TGM5: variants seen among roughly 807,000 people sequenced by gnomAD.
TGM5 encodes the protein transglutaminase 5.
TGM5 carries 69 observed loss-of-function variants against 77.2 expected under a neutral mutation model. The ratio of observed to expected loss-of-function variants is 0.89; its 90% CI spans 0.74 to 1.09. TGM5 has a LOEUF of 1.09. Among genes scored for constraint, TGM5 ranks in the 50% least tolerant of loss-of-function variants. The probability of loss-of-function intolerance (pLI) is 0.00; values close to 1 mark genes in which losing one functional copy is unlikely to be tolerated. For synonymous variants in TGM5, 346 were observed against 351.8 expected (o/e 0.98, Z 0.18); for missense variants, 842 against 896.5 (o/e 0.94, Z 0.78).
At chr15:43,266,053 C>T (rs1385508248) in intron 1 of TGM5, among the ~76,000 whole-genome samples, 1 of 152,176 alleles carries the variant, frequency 6.6e-6, no homozygotes, top group African/African-American at 2.4e-5. Flanking sequence ...AGACAGGTAA[C>T]AGTGTTTACT....
Position 43,234,833 on chromosome 15 carries a change from C to A in TGM5, c.1811G>T (p.Ser604Ile), listed in dbSNP as rs1276732858. ...GTTCACCAGGATTTTCTCAGGACTGCTTTTCTCTTCACCCAGGGCACTGAT... is the reference window on the plus strand; with the variant it reads ...GTTCACCAGGATTTTCTCAGGACTGATTTTCTCTTCACCCAGGGCACTGAT... ...IRISALGEEK[S>I]SPEKILVNKI... Residue 604 changes from serine (S) to isoleucine (I), a missense_variant, in exon 11 of 13, where the codon AGC (serine) becomes ATC (isoleucine). Ser to Ile is a moderately radical substitution (Grantham distance 142). Transcript: ENST00000220420. 6.2e-7 allele frequency: 1 copy of A among 1,614,216 alleles called. No homozygotes were observed. Among genetic ancestry groups the A allele is most frequent in the Non-Finnish European group, 8.5e-7 (1 of 1,180,034 alleles).
rs574582361 is a variant in TGM5, at chr15:43,264,654, C to G, written c.10+2186G>C. On this transcript the variant is annotated intron_variant, in intron 1 of 12. Coordinates refer to ENST00000220420, the MANE Select transcript of TGM5 (RefSeq NM_201631.4). ...GTGACTGCCAATGTGTATGGGATTT[C>G]TTTTTGAGGTAATGAAATGTTCTGA... Among the ~76,000 whole-genome samples, 59 of 152,166 alleles carry G rather than the reference C, an allele frequency of 3.9e-4. No homozygotes were observed. In the South Asian group the frequency reaches 0.011, roughly 29 times the overall value.
At chr15:43,246,015 C>T (rs2042668085) in intron 6 of TGM5, among the ~76,000 whole-genome samples, 1 of 151,980 alleles carries the variant, frequency 6.6e-6, no homozygotes, top group Non-Finnish European at 1.5e-5. Flanking sequence ...ACAAAAATTT[C>T]AGCTGCTTGT....
intron 1 of TGM5, among the ~76,000 whole-genome samples, chr15:43,262,033 G>A (rs1201287604): frequency 6.6e-6 from 1 of 152,074 alleles, no homozygotes; most frequent in Non-Finnish European, 1.5e-5. Flanking sequence ...CATTGACCCT[G>A]TCCTCTAGCC....
chr15:43,236,407 C>T (rs749303255), intron 9 of TGM5, among the ~76,000 whole-genome samples: 9 of 152,172 alleles, frequency 5.9e-5, no homozygotes, highest in Admixed American at 1.3e-4. Flanking sequence ...GAGGTCTAGG[C>T]GTGCAGAGTT....
intron 3 of TGM5, among the ~76,000 whole-genome samples, chr15:43,259,603 A>T (rs1288159486): frequency 6.6e-6 from 1 of 152,224 alleles, no homozygotes; most frequent in Non-Finnish European, 1.5e-5. Flanking sequence ...AGGTGAATGG[A>T]ATCTGAAAGA....
chr15:43,253,787 G>A (rs1035612307), intron 4 of TGM5, 153 bp from the exon 5 acceptor site: 3 of 1,074,664 alleles, frequency 2.8e-6, no homozygotes, highest in East Asian at 2.4e-5. Flanking sequence ...TCCCATTCAG[G>A]TGTGGGGTTT....
chr15:43,257,670 C>T (rs771455343), intron 3 of TGM5, among the ~76,000 whole-genome samples: 8 of 152,084 alleles, frequency 5.3e-5, no homozygotes, highest in African/African-American at 1.2e-4. Context: ...GACAGTGTGG[C>T]GATTCCTCAA....
intron 6 of TGM5, among the ~76,000 whole-genome samples, chr15:43,247,165 A>T (rs1018814861): frequency 6.6e-6 from 1 of 151,788 alleles, no homozygotes; most frequent in Non-Finnish European, 1.5e-5. Context: ...TCTCAAAAAA[A>T]AAAAAAAAAA....
chr15:43,241,792 C>T (rs2042638674), intron 6 of TGM5, among the ~76,000 whole-genome samples: 1 of 151,620 alleles, frequency 6.6e-6, no homozygotes, highest in African/African-American at 2.4e-5. Context: ...CAACACCACA[C>T]CCGGCTAATT....
In TGM5 at chr15:43,233,113, G is replaced by C. The variant is rs2042558231; in HGVS notation, c.*78C>G. On this transcript the variant is annotated 3_prime_UTR_variant, in exon 13 of 13. Coordinates refer to ENST00000220420, the MANE Select transcript of TGM5 (RefSeq NM_201631.4). ...CCTGTGAAGCCTCTGTTGTGGTGGG[G>C]AATGGCGCAGCTTGCATTTGAACTT... 6.4e-7 allele frequency: 1 copy of C among 1,567,814 alleles called. No individual in the cohort carries two copies.
intron 1 of TGM5, among the ~76,000 whole-genome samples, chr15:43,263,956 T>C (rs2042808052): frequency 1.3e-5 from 2 of 152,232 alleles, no homozygotes; most frequent in East Asian, 1.9e-4. Flanking sequence ...AAAAAATTCA[T>C]ATAACTCTAC....
intron 7 of TGM5, chr15:43,239,773 T>C (rs141773381): frequency 5.3e-6 from 1 of 188,558 alleles, no homozygotes; most frequent in Non-Finnish European, 1.1e-5. Context: ...GAACAGAAAG[T>C]GAAGGCTTCC....
chr15:43,232,754 A>G lies in TGM5; in HGVS notation c.*437T>C. ...ACCAGTATCCTCTGACCTCTGTGCC[A>G]AATCACGCTTCTGGATAGGAGACTG... On this transcript the variant is annotated 3_prime_UTR_variant, in exon 13 of 13. Coordinates refer to ENST00000220420, the MANE Select transcript of TGM5 (RefSeq NM_201631.4). The G allele has an allele frequency of 5.0e-6, 1 of 201,462 alleles. No homozygotes were observed. Among genetic ancestry groups the G allele is most frequent in the East Asian group, 1.2e-4 (1 of 8,148 alleles). The allele number at this position is 201,462 out of a possible 1,614,324, so 12.5% of individuals were successfully genotyped here.
chr15:43,263,915 T>A (rs2142387161), intron 1 of TGM5, among the ~76,000 whole-genome samples: 1 of 152,352 alleles, frequency 6.6e-6, no homozygotes, highest in South Asian at 2.1e-4. Flanking sequence ...ATCCTATATC[T>A]GGCAAAGGAC....
At chr15:43,240,709 G>A in intron 7 of TGM5, 143 bp downstream of exon 7, 3 of 1,002,936 alleles carry the variant, frequency 3.0e-6, no homozygotes, top group Non-Finnish European at 4.5e-6. Flanking sequence ...GCCTTGGTGG[G>A]GGGTGGGTGG....
At chr15:43,235,425 T>C in intron 10 of TGM5, 44 bp downstream of exon 10, 1 of 1,613,592 alleles carries the variant, frequency 6.2e-7, no homozygotes, top group Non-Finnish European at 8.5e-7. Flanking sequence ...CCCACTGACA[T>C]TGCCAAAACC....
At position 43,240,932 on chromosome 15, in the gene TGM5, ATCG is replaced by A; in HGVS notation, c.918_920del (p.Asp307del). On this transcript the variant is annotated inframe_deletion, in exon 7 of 13. Coordinates refer to ENST00000220420, the MANE Select transcript of TGM5 (RefSeq NM_201631.4). ...CATCTATGATCAGGTTTCCATCTGT[ATCG>A]TGGCCAGAGTCGAAGTTGGTGATCA... 6.2e-7 allele frequency: 1 copy of A among 1,614,114 alleles called. No homozygotes were observed. Among genetic ancestry groups the A allele is most frequent in the South Asian group, 1.1e-5 (1 of 91,080 alleles).
chr15:43,234,209 T>G (rs2042569990), intron 11 of TGM5, among the ~76,000 whole-genome samples: 1 of 152,168 alleles, frequency 6.6e-6, no homozygotes, highest in African/African-American at 2.4e-5. Context: ...TCCATGGGCT[T>G]ACTTAACAGG....
Sources: allele counts gnomAD v4.1 joint callset (sites outside exome capture counted in the v4.1 genomes callset), GRCh38; gene constraint gnomAD v4.1.1; transcripts MANE v1.5; gene names NCBI Gene and HGNC (gene_info 2026-07-23, HGNC 2026-07-21).